CMIP: variants seen among roughly 807,000 people sequenced by gnomAD.
CMIP encodes the protein C-Maf-inducing protein.
In CMIP, 13 loss-of-function variants were observed where a neutral mutation model predicts 97.3. The ratio of observed to expected loss-of-function variants is 0.13; its 90% CI spans 0.09 to 0.21. CMIP has a LOEUF of 0.21. Ranked by LOEUF, CMIP falls within the 10% of genes least tolerant of loss-of-function variation. CMIP has a pLI of 1.00. For missense variants in CMIP, 847 were observed against 1,024.9 expected (o/e 0.83, Z 2.37); for synonymous variants, 538 against 436.3 (o/e 1.23, Z -2.91).
chr16:81,590,460 T>C (rs1489559633), intron 1 of CMIP, among the ~76,000 whole-genome samples: 2 of 152,182 alleles, frequency 1.3e-5, no homozygotes, highest in Non-Finnish European at 2.9e-5. Flanking sequence ...TTCTGGATCA[T>C]GTCCAGCAGC....
At chr16:81,576,513 A>G (rs1437886158) in intron 1 of CMIP, among the ~76,000 whole-genome samples, 2 of 152,174 alleles carry the variant, frequency 1.3e-5, no homozygotes, top group Non-Finnish European at 2.9e-5. Context: ...ACGTCTCTGA[A>G]TTAATGAAAC....
At chr16:81,684,577 C>T (rs1905197782) in intron 10 of CMIP, among the ~76,000 whole-genome samples, 1 of 152,244 alleles carries the variant, frequency 6.6e-6, no homozygotes, top group Non-Finnish European at 1.5e-5. Flanking sequence ...CCGGGCTTTG[C>T]ACTCACAAAG....
chr16:81,458,573 G>A (rs961622713), intron 1 of CMIP, among the ~76,000 whole-genome samples: 8 of 152,170 alleles, frequency 5.3e-5, no homozygotes, highest in African/African-American at 1.4e-4. Context: ...GGATCAGGAA[G>A]GAGGAAACCC....
At chr16:81,708,384 T>C (rs1908389270) in intron 20 of CMIP, among the ~76,000 whole-genome samples, 1 of 152,172 alleles carries the variant, frequency 6.6e-6, no homozygotes, top group Admixed American at 6.5e-5. Context: ...CACACTCGTG[T>C]TTGAGAAATG....
chr16:81,478,122 C>A (rs145448352), intron 1 of CMIP, among the ~76,000 whole-genome samples: 1 of 152,174 alleles, frequency 6.6e-6, no homozygotes, highest in Non-Finnish European at 1.5e-5. Flanking sequence ...TTCCCCCCCA[C>A]CCCAGAAAGT....
At chr16:81,680,840 G>T (rs965517325) in intron 10 of CMIP, among the ~76,000 whole-genome samples, 4 of 152,232 alleles carry the variant, frequency 2.6e-5, no homozygotes, top group Non-Finnish European at 5.9e-5. Flanking sequence ...GTTCCAGCTG[G>T]TTTTTGCAAA....
At position 81,691,806 on chromosome 16, in the gene CMIP, G is replaced by A; in HGVS notation, c.1420G>A (p.Ala474Thr). 1 of 1,613,876 alleles carries A rather than the reference G, an allele frequency of 6.2e-7. No homozygotes were observed. The highest frequency in any genetic ancestry group is 8.5e-7 in the Non-Finnish European group (1 of 1,179,850). The stretch of plus-strand genomic sequence containing the variant: ...CTATGATGACTGGAGACCGTCTCTG[G>A]CCAGTTTGCTTCAACCCATTCCATT... ...SDYDDWRPSL[A>T]SLLQPIPFPK... is the part of the protein sequence containing the mutation. The change falls in exon 11 of 21, where the codon GCC becomes ACC. Residue 474 changes from alanine (A) to threonine (T), a missense_variant. By Grantham distance (58) the Ala-to-Thr change is moderately conservative. Transcript: ENST00000537098.
At position 81,508,352 on chromosome 16, in the gene CMIP, G is replaced by C. The variant is rs372995957; in HGVS notation, c.300+62811G>C. On this transcript the variant is annotated intron_variant, in intron 1 of 20. Transcript: ENST00000537098. ...CATAGACGCAAATACGTACAAATTTGGTTTGTTTAAACGAATGATAGAATC... is the reference window on the plus strand; with the variant it reads ...CATAGACGCAAATACGTACAAATTTCGTTTGTTTAAACGAATGATAGAATC... Among the ~76,000 whole-genome samples the C allele has an allele frequency of 2.0e-5, 3 of 152,186 alleles. No individual in the cohort carries two copies. The East Asian group carries it at 5.8e-4, about 29-fold the overall frequency.
chr16:81,707,166 C>A, intron 20 of CMIP, 82 bp downstream of exon 20: 1 of 1,133,810 alleles, frequency 8.8e-7, no homozygotes, highest in Non-Finnish European at 1.3e-6. Context: ...CTGCACAGAG[C>A]TCGTTCTCCA....
intron 1 of CMIP, among the ~76,000 whole-genome samples, chr16:81,538,771 T>C (rs1412672331): frequency 1.3e-5 from 2 of 152,148 alleles, no homozygotes; most frequent in Non-Finnish European, 2.9e-5. Context: ...CACGTGATAT[T>C]CCAAACCAAG....
chr16:81,583,096 A>T (rs2091323485), intron 1 of CMIP, among the ~76,000 whole-genome samples: 1 of 152,250 alleles, frequency 6.6e-6, no homozygotes, highest in African/African-American at 2.4e-5. Flanking sequence ...TGGCACTCAG[A>T]GGGTAAGCTC....
At chr16:81,694,506 A>G (rs143016376) in intron 13 of CMIP, among the ~76,000 whole-genome samples, 5 of 152,338 alleles carry the variant, frequency 3.3e-5, no homozygotes, top group East Asian at 1.9e-4. Flanking sequence ...CTGAGGACAC[A>G]TGGACACCAA....
intron 2 of CMIP, chr16:81,619,224 G>A (rs1233158830): frequency 6.6e-6 from 1 of 152,222 alleles, no homozygotes; most frequent in Admixed American, 6.5e-5. Flanking sequence ...GCATCAGGGT[G>A]GCTGGTGTGG....
intron 3 of CMIP, among the ~76,000 whole-genome samples, chr16:81,633,868 C>T (rs555274463): frequency 5.8e-4 from 88 of 152,316 alleles, no homozygotes; most frequent in Non-Finnish European, 1.1e-3. Flanking sequence ...AGCCTGACAC[C>T]GGCTGGAGGC....
intron 1 of CMIP, among the ~76,000 whole-genome samples, chr16:81,592,592 C>T (rs571403616): frequency 5.9e-5 from 9 of 152,358 alleles, no homozygotes; most frequent in Middle Eastern, 3.4e-3. Flanking sequence ...TCACCCTGCT[C>T]ATCCTGGGGC....
At chr16:81,663,815 C>T (rs9940367) in intron 6 of CMIP, among the ~76,000 whole-genome samples, 24,176 of 151,990 alleles carry the variant, frequency 0.16, 2,224 homozygotes, top group East Asian at 0.39. Flanking sequence ...GTGCACTTTA[C>T]CCCCTGCCCA....
intron 1 of CMIP, among the ~76,000 whole-genome samples, chr16:81,449,606 C>G (rs912776845): frequency 1.3e-5 from 2 of 152,028 alleles, no homozygotes; most frequent in East Asian, 1.9e-4. Context: ...CCCCCTTCCC[C>G]CCATGTGCCT....
intron 4 of CMIP, among the ~76,000 whole-genome samples, chr16:81,656,720 C>G (rs1407004737): frequency 1.3e-5 from 2 of 152,216 alleles, no homozygotes; most frequent in African/African-American, 2.4e-5. Flanking sequence ...TCACTGCAGC[C>G]TCCGCCTTTT....
At chr16:81,611,973 T>C (rs990468542) in intron 2 of CMIP, among the ~76,000 whole-genome samples, 39 of 152,352 alleles carry the variant, frequency 2.6e-4, no homozygotes, top group African/African-American at 9.4e-4. Flanking sequence ...GGATGCTTTG[T>C]GTTTTCAGCG....
Sources: gnomAD v4.1 joint callset for allele counts (sites outside exome capture counted in the v4.1 genomes callset) on GRCh38, gnomAD v4.1.1 for gene constraint, MANE v1.5 for transcripts, NCBI Gene and HGNC (gene_info 2026-07-23, HGNC 2026-07-21) for gene names.